The following CNTNAP2 variants were observed in gnomAD, a reference collection of about 807,000 sequenced individuals.
The protein encoded by CNTNAP2 is contactin associated protein 2, also known as contactin-associated protein-like 2.
A neutral mutation model predicts 155.2 loss-of-function variants in CNTNAP2; 98 were observed. The ratio of observed to expected loss-of-function variants is 0.63; its 90% CI spans 0.54 to 0.75. The LOEUF (loss-of-function observed/expected upper bound fraction) is 0.75. CNTNAP2 is among the 30% of genes least tolerant of loss of function. The pLI, the probability that CNTNAP2 is intolerant of heterozygous loss-of-function variation, is 0.00. For synonymous variants in CNTNAP2, 651 were observed against 631.2 expected (o/e 1.03, Z -0.47); for missense variants, 1,727 against 1,688.1 (o/e 1.02, Z -0.40).
intron 8 of CNTNAP2, among the ~76,000 whole-genome samples, chr7:147,257,463 G>T (rs566727413): frequency 6.6e-6 from 1 of 152,210 alleles, no homozygotes; most frequent in Non-Finnish European, 1.5e-5. Context: ...GAAATGCACA[G>T]TGGGTGTGTG....
chr7:147,993,432 C>G (rs928540100), intron 15 of CNTNAP2, among the ~76,000 whole-genome samples: 4 of 152,280 alleles, frequency 2.6e-5, no homozygotes, highest in African/African-American at 7.2e-5. Flanking sequence ...TAGATAGATG[C>G]TCCAAAATTA....
chr7:148,019,247 T>A (rs1325252576), intron 15 of CNTNAP2, among the ~76,000 whole-genome samples: 2 of 152,314 alleles, frequency 1.3e-5, no homozygotes, highest in Non-Finnish European at 1.5e-5. Flanking sequence ...TCTTCTAGGT[T>A]CCTCAGAGGG....
chr7:147,923,282 A>G (rs1303976083), intron 14 of CNTNAP2, among the ~76,000 whole-genome samples: 1 of 152,172 alleles, frequency 6.6e-6, no homozygotes, highest in African/African-American at 2.4e-5. Context: ...GCCCTAATTC[A>G]TTATTACTGT....
chr7:147,273,204 GA>G (rs1252775354), intron 8 of CNTNAP2, among the ~76,000 whole-genome samples: 1 of 152,046 alleles, frequency 6.6e-6, no homozygotes, highest in Admixed American at 6.6e-5. Flanking sequence ...ACTTCGCGCC[GA>G]AATTTACAGT....
At chr7:147,343,892 G>A (rs1052878762) in intron 9 of CNTNAP2, among the ~76,000 whole-genome samples, 2 of 152,142 alleles carry the variant, frequency 1.3e-5, no homozygotes, top group African/African-American at 4.8e-5. Context: ...AAAGTGACCA[G>A]ATTTAAAGAT....
intron 1 of CNTNAP2, among the ~76,000 whole-genome samples, chr7:146,572,419 A>G (rs10261766): frequency 0.3 from 46,046 of 151,850 alleles, 7,157 homozygotes; most frequent in East Asian, 0.48. Flanking sequence ...TTCTTTGGAT[A>G]AACTATTTAC....
intron 3 of CNTNAP2, among the ~76,000 whole-genome samples, chr7:146,947,836 T>A (rs902755664): frequency 6.6e-6 from 1 of 151,700 alleles, no homozygotes; most frequent in Admixed American, 6.6e-5. Flanking sequence ...AACCTATTAC[T>A]TCGAGGCTAC....
chr7:148,178,368 T>C (rs1200891861), intron 18 of CNTNAP2, among the ~76,000 whole-genome samples: 2 of 152,190 alleles, frequency 1.3e-5, no homozygotes, highest in Non-Finnish European at 1.5e-5. Flanking sequence ...AGAAAAAACT[T>C]GAAGAATAAA....
intron 1 of CNTNAP2, among the ~76,000 whole-genome samples, chr7:146,272,841 T>G (rs557900618): frequency 6.6e-6 from 1 of 152,226 alleles, no homozygotes; most frequent in Non-Finnish European, 1.5e-5. Context: ...GAGCAAGAGG[T>G]AAGACCTGAG....
At chr7:148,258,547 A>G (rs1563014900) in intron 20 of CNTNAP2, among the ~76,000 whole-genome samples, 4 of 152,162 alleles carry the variant, frequency 2.6e-5, no homozygotes, top group Admixed American at 1.3e-4. Flanking sequence ...ATGGGGAGAA[A>G]GAGATGGTCT....
chr7:147,683,709 T>C (rs947502431), intron 13 of CNTNAP2, among the ~76,000 whole-genome samples: 9 of 150,584 alleles, frequency 6.0e-5, no homozygotes, highest in African/African-American at 2.2e-4. Context: ...AATTCTCAAC[T>C]TGTTATGTAC....
intron 16 of CNTNAP2, among the ~76,000 whole-genome samples, chr7:148,119,215 C>G (rs999534830): frequency 1.3e-5 from 2 of 152,080 alleles, no homozygotes; most frequent in Admixed American, 1.3e-4. Flanking sequence ...CAGCCTTACA[C>G]TCAGCATATC....
chr7:146,193,813 A>C (rs1014183222), intron 1 of CNTNAP2, among the ~76,000 whole-genome samples: 1 of 152,194 alleles, frequency 6.6e-6, no homozygotes, highest in South Asian at 2.1e-4. Context: ...GTCAGGCTGC[A>C]AATTTTCCAA....
intron 13 of CNTNAP2, among the ~76,000 whole-genome samples, chr7:147,809,184 A>G (rs1005400186): frequency 1.3e-5 from 2 of 152,202 alleles, no homozygotes; most frequent in Non-Finnish European, 2.9e-5. Flanking sequence ...AAGCTCTCTA[A>G]TACTGATCTG....
chr7:146,956,500 A>G (rs1797440468), intron 3 of CNTNAP2, among the ~76,000 whole-genome samples: 1 of 152,166 alleles, frequency 6.6e-6, no homozygotes, highest in African/African-American at 2.4e-5. Context: ...CTTACAGCCA[A>G]GTGTACATTG....
intron 1 of CNTNAP2, among the ~76,000 whole-genome samples, chr7:146,649,748 C>A (rs1446757752): frequency 6.6e-6 from 1 of 152,092 alleles, no homozygotes; most frequent in Non-Finnish European, 1.5e-5. Context: ...TTATTCTGGG[C>A]TATTATAGTA....
intron 3 of CNTNAP2, among the ~76,000 whole-genome samples, chr7:147,000,201 A>T (rs979938268): frequency 6.6e-6 from 1 of 151,928 alleles, no homozygotes; most frequent in Admixed American, 6.6e-5. Flanking sequence ...TTTTAGCTCT[A>T]GGATTTCTGT....
At chr7:146,696,645 A>G (rs1274513349) in intron 1 of CNTNAP2, among the ~76,000 whole-genome samples, 1 of 152,114 alleles carries the variant, frequency 6.6e-6, no homozygotes, top group Non-Finnish European at 1.5e-5. Flanking sequence ...CTTTTCTAAT[A>G]CATGCATTCA....
At chr7:147,273,907 A>G (rs1584836662) in intron 8 of CNTNAP2, among the ~76,000 whole-genome samples, 1 of 148,036 alleles carries the variant, frequency 6.8e-6, no homozygotes, top group Non-Finnish European at 1.5e-5. Context: ...ATTATATATT[A>G]CGTATTTTAT....
Sources: allele counts gnomAD v4.1 joint callset (sites outside exome capture counted in the v4.1 genomes callset), GRCh38; gene constraint gnomAD v4.1.1; transcripts MANE v1.5; gene names NCBI Gene and HGNC (gene_info 2026-07-23, HGNC 2026-07-21).